Variants in TGFBR3 observed in about 807,000 individuals in gnomAD.
The protein encoded by TGFBR3 is transforming growth factor beta receptor type 3.
A neutral mutation model predicts 87.9 loss-of-function variants in TGFBR3; 46 were observed. The ratio of observed to expected loss-of-function variants is 0.52; its 90% CI spans 0.41 to 0.67. The LOEUF is 0.67. Ranked by LOEUF, TGFBR3 falls within the 30% of genes least tolerant of loss-of-function variation. TGFBR3 has a pLI of 0.00. For synonymous variants in TGFBR3, 381 were observed against 391.6 expected (o/e 0.97, Z 0.32); for missense variants, 866 against 1,041.9 (o/e 0.83, Z 2.32).
chr1:91,729,150 T>TACACACACACACAC lies in TGFBR3; in HGVS notation c.737+641_737+654dup, dbSNP rs57364204. ...GTCACCATGGAGGGCCACTCCAGCA[T>TACACACACACACAC]ACACACACACACACACACACACACA... On this transcript the variant is annotated intron_variant, in intron 6 of 16. Transcript: ENST00000212355. 2.1e-3 allele frequency among the ~76,000 whole-genome samples: 138 copies of TACACACACACACAC among 66,906 alleles called. 13 individuals are homozygous for TACACACACACACAC. The highest frequency in any genetic ancestry group is 3.9e-3 in the East Asian group (7 of 1,814). 43.9% of individuals were successfully genotyped at this position (66,906 alleles called of 152,430 possible). A position where few individuals can be genotyped will look rare whatever the true frequency, so the allele number is the denominator to read the frequency against.
intron 2 of TGFBR3, among the ~76,000 whole-genome samples, chr1:91,826,162 C>T (rs1676625609): frequency 6.6e-6 from 1 of 152,076 alleles, no homozygotes; most frequent in Middle Eastern, 3.4e-3. Context: ...CTCCCAGAGT[C>T]GAGAGAGAGT....
intron 3 of TGFBR3, among the ~76,000 whole-genome samples, chr1:91,768,559 C>A (rs537701845): frequency 1.2e-4 from 19 of 152,148 alleles, no homozygotes; most frequent in Admixed American, 5.2e-4. Flanking sequence ...GGTAGTTTCT[C>A]GTGAATGGTT....
chr1:91,687,270 G>C (rs1218047405), intron 16 of TGFBR3, among the ~76,000 whole-genome samples: 1 of 152,156 alleles, frequency 6.6e-6, no homozygotes, highest in East Asian at 1.9e-4. Context: ...AGTGAGCTAT[G>C]ATCTCACCTG....
At chr1:91,892,656 C>A (rs1241692018) in intron 2 of TGFBR3, among the ~76,000 whole-genome samples, 1 of 152,136 alleles carries the variant, frequency 6.6e-6, no homozygotes, top group Non-Finnish European at 1.5e-5. Context: ...GAACATTGAA[C>A]AGAAATTAGT....
chr1:91,803,968 C>A (rs780706703), intron 2 of TGFBR3, among the ~76,000 whole-genome samples: 7 of 152,184 alleles, frequency 4.6e-5, no homozygotes, highest in Non-Finnish European at 1.0e-4. Flanking sequence ...CACGAAAGAA[C>A]AGAACCCAAC....
At chr1:91,748,996 A>G (rs1009062084) in intron 4 of TGFBR3, among the ~76,000 whole-genome samples, 4 of 152,156 alleles carry the variant, frequency 2.6e-5, no homozygotes, top group Non-Finnish European at 5.9e-5. Context: ...ATATGTGTGT[A>G]TGTATCCTCA....
At chr1:91,718,800 T>C (rs1672263234) in intron 10 of TGFBR3, among the ~76,000 whole-genome samples, 1 of 152,234 alleles carries the variant, frequency 6.6e-6, no homozygotes, top group Non-Finnish European at 1.5e-5. Context: ...TTCTTAGAGG[T>C]GGAGAGAGAC....
At position 91,758,721 on chromosome 1, in the gene TGFBR3, T is replaced by C; in HGVS notation, c.276A>G (p.Ser92=). The C allele has an allele frequency of 1.2e-5, 19 of 1,613,946 alleles. No individual in the cohort carries two copies. Among genetic ancestry groups the C allele is most frequent in the Non-Finnish European group, 1.6e-5 (19 of 1,179,916 alleles). The change falls in exon 4 of 17, where the codon TCA becomes TCG. Residue 92 remains serine (S), a synonymous_variant. Transcript: ENST00000212355. ...EVTLHLNPIS[S]VHIHHKSVVF... is the part of the protein sequence containing the mutation. ...CAACAGACTTGTGGTGGATGTGGACTGAGGAGATGGGATTCAGGTGAAGTG... is the reference window on the plus strand; with the variant it reads ...CAACAGACTTGTGGTGGATGTGGACCGAGGAGATGGGATTCAGGTGAAGTG...
intron 7 of TGFBR3, among the ~76,000 whole-genome samples, chr1:91,725,712 C>T (rs11165347): frequency 6.6e-6 from 1 of 152,040 alleles, no homozygotes; most frequent in Non-Finnish European, 1.5e-5. Flanking sequence ...AAACAGACTC[C>T]GTGTTCATCA....
At chr1:91,827,272 C>T (rs1441795288) in intron 2 of TGFBR3, among the ~76,000 whole-genome samples, 2 of 152,062 alleles carry the variant, frequency 1.3e-5, no homozygotes, top group Non-Finnish European at 2.9e-5. Flanking sequence ...TACAGGCTGG[C>T]GGTTACGACA....
At chr1:91,760,745 C>T (rs1293239170) in intron 3 of TGFBR3, among the ~76,000 whole-genome samples, 5 of 152,122 alleles carry the variant, frequency 3.3e-5, no homozygotes, top group Non-Finnish European at 4.4e-5. Flanking sequence ...GTAATGTGCT[C>T]CTTGGTTGTA....
chr1:91,745,798 A>G (rs1213154146), intron 4 of TGFBR3, among the ~76,000 whole-genome samples: 6 of 152,250 alleles, frequency 3.9e-5, no homozygotes, highest in African/African-American at 1.4e-4. Context: ...TTTCAAAGAA[A>G]TAATAACTTC....
intron 12 of TGFBR3, among the ~76,000 whole-genome samples, chr1:91,713,617 A>G (rs1190889944): frequency 6.6e-6 from 1 of 152,250 alleles, no homozygotes; most frequent in Non-Finnish European, 1.5e-5. Flanking sequence ...GAAACCCCTG[A>G]CATCACATGG....
chr1:91,773,707 A>C lies in TGFBR3; in HGVS notation c.247-14957T>G, dbSNP rs144550203. Among the ~76,000 whole-genome samples, 19 of 152,314 alleles carry C rather than the reference A, an allele frequency of 1.2e-4. No individual in the cohort carries two copies. In the East Asian group the frequency reaches 3.3e-3, roughly 26 times the overall value. ...AAAAAACAAAAGATCTCTAGAAATG[A>C]ATGTATCTCAATAAATGAGTTGATG... On this transcript the variant is annotated intron_variant, in intron 3 of 16. Coordinates refer to ENST00000212355, the MANE Select transcript of TGFBR3 (RefSeq NM_003243.5).
intron 6 of TGFBR3, 145 bp downstream of exon 6, chr1:91,729,660 C>A (rs1571449991): frequency 9.8e-6 from 9 of 923,056 alleles, no homozygotes. Context: ...TCAATGGCTA[C>A]CTTCCCTCCT....
chr1:91,723,400 G>A (rs1672436026), intron 7 of TGFBR3, among the ~76,000 whole-genome samples: 1 of 149,240 alleles, frequency 6.7e-6, no homozygotes, highest in South Asian at 2.1e-4. Flanking sequence ...AGGATCACCT[G>A]AGCCCGTGAG....
intron 1 of TGFBR3, among the ~76,000 whole-genome samples, chr1:91,904,418 T>A (rs1283946269): frequency 6.6e-6 from 1 of 151,706 alleles, no homozygotes; most frequent in Non-Finnish European, 1.5e-5. Flanking sequence ...ATTCTTTTTT[T>A]TTTTTTCTTG....
intron 7 of TGFBR3, among the ~76,000 whole-genome samples, chr1:91,727,032 T>C (rs1170177993): frequency 6.6e-6 from 1 of 152,236 alleles, no homozygotes; most frequent in African/African-American, 2.4e-5. Flanking sequence ...TGCGTACATC[T>C]CTATTAAATA....
intron 2 of TGFBR3, among the ~76,000 whole-genome samples, chr1:91,820,567 T>A (rs1254924180): frequency 6.6e-6 from 1 of 152,056 alleles, no homozygotes; most frequent in East Asian, 1.9e-4. Flanking sequence ...GCACCTGTAG[T>A]CCCAGCTACT....
Sources: gnomAD v4.1 joint callset for allele counts (sites outside exome capture counted in the v4.1 genomes callset) on GRCh38, gnomAD v4.1.1 for gene constraint, MANE v1.5 for transcripts, NCBI Gene and HGNC (gene_info 2026-07-23, HGNC 2026-07-21) for gene names.